Variants in ASB17 observed in about 807,000 individuals in gnomAD.
ASB17 encodes the protein ankyrin repeat and SOCS box protein 17.
A neutral mutation model predicts 25.7 loss-of-function variants in ASB17; 26 were observed. The ratio of observed to expected loss-of-function variants is 1.01; its 90% CI spans 0.74 to 1.40. ASB17 has a LOEUF of 1.40. Ranked by LOEUF, ASB17 falls within the 40% of genes most tolerant of loss-of-function variation. The probability of loss-of-function intolerance (pLI) is 0.00; values close to 1 mark genes in which losing one functional copy is unlikely to be tolerated. For synonymous variants in ASB17, 128 were observed against 121.4 expected (o/e 1.05, Z -0.36); for missense variants, 326 against 338.5 (o/e 0.96, Z 0.29).
At chr1:75,922,488 CTTTTTTTT>C (rs3037164) in intron 1 of ASB17, 129 bp from the exon 2 acceptor site, 149 of 122,290 alleles carry the variant, frequency 1.2e-3, no homozygotes, top group Middle Eastern at 5.2e-3. Flanking sequence ...TTATATGTTT[CTTTTTTTT>C]TTTTTTTTTT....
intron 1 of ASB17, among the ~76,000 whole-genome samples, chr1:75,931,547 A>G (rs1653321371): frequency 6.6e-6 from 1 of 152,186 alleles, no homozygotes; most frequent in Non-Finnish European, 1.5e-5. Context: ...TCAGCTTATA[A>G]ACATATATAA....
intron 1 of ASB17, among the ~76,000 whole-genome samples, chr1:75,928,635 T>C (rs2100614879): frequency 6.6e-6 from 1 of 152,330 alleles, no homozygotes; most frequent in Non-Finnish European, 1.5e-5. Context: ...GTTCAAATAC[T>C]TGAGAAGTTT....
chr1:75,921,466 G>T lies in ASB17; in HGVS notation c.681+614C>A, dbSNP rs183699899. On this transcript the variant is annotated intron_variant, in intron 2 of 2. Coordinates refer to ENST00000284142, the MANE Select transcript of ASB17 (RefSeq NM_080868.3). ...CGGACTTCTTTCTTGCTACTAATGG[G>T]CATGATTCAATTTGATGATGACACT... is the stretch of plus-strand genomic sequence containing the variant. Among the ~76,000 whole-genome samples the T allele has an allele frequency of 6.8e-4, 104 of 152,188 alleles. No individual in the cohort carries two copies. The Middle Eastern group carries it at 0.01, about 15-fold the overall frequency.
intron 1 of ASB17, 51 bp from the exon 2 acceptor site, chr1:75,922,410 G>T: frequency 7.6e-7 from 1 of 1,317,066 alleles, no homozygotes; most frequent in Non-Finnish European, 1.0e-6. Flanking sequence ...TAAGAAATGT[G>T]ACAAACACTT....
chr1:75,922,001 A>G, intron 2 of ASB17, 79 bp downstream of exon 2: 1 of 1,229,128 alleles, frequency 8.1e-7, no homozygotes, highest in South Asian at 1.6e-5. Flanking sequence ...ATTAAAAATT[A>G]ACTGTATTCT....
chr1:75,920,293 G>A lies in ASB17; in HGVS notation c.682-1135C>T, dbSNP rs191427335. Among the ~76,000 whole-genome samples the A allele has an allele frequency of 1.4e-4, 21 of 152,226 alleles. No individual in the cohort carries two copies. The East Asian group carries it at 3.7e-3, about 27-fold the overall frequency. The stretch of plus-strand genomic sequence containing the variant: ...CAAATGTTAATAGATTGACTTAGGA[G>A]GAAAAAACATTGCTGTATTACAGAA... On this transcript the variant is annotated intron_variant, in intron 2 of 2. Transcript: ENST00000284142.
chr1:75,932,030 C>T lies in ASB17; in HGVS notation c.262G>A (p.Asp88Asn), dbSNP rs1275349310. 7 of 1,613,936 alleles carry T rather than the reference C, an allele frequency of 4.3e-6. No homozygotes were observed. In the South Asian group the frequency reaches 6.6e-5, roughly 15 times the overall value. The change falls in exon 1 of 3, where the codon GAC becomes AAC. Residue 88 changes from aspartate to asparagine, a missense_variant. Asp to Asn is a conservative substitution (Grantham distance 23). Coordinates refer to ENST00000284142, the MANE Select transcript of ASB17 (RefSeq NM_080868.3). ...GYRFEVSFNLDFTEICVNTIL... is the reference protein window; with the variant it reads ...GYRFEVSFNLNFTEICVNTIL... ...GTATTCACACATATTTCAGTGAAGT[C>T]GAGGTTAAAACTTACTTCAAAACGG...
rs527713748 is a variant in ASB17, at chr1:75,925,618, T to C, written c.402-3259A>G. On this transcript the variant is annotated intron_variant, in intron 1 of 2. Coordinates refer to ENST00000284142, the MANE Select transcript of ASB17 (RefSeq NM_080868.3). ...TTAATTATAGCAGTACTTATATGGA[T>C]GAAGTGCAGCAAGCAAAGCAAGAAT... Among the ~76,000 whole-genome samples the C allele has an allele frequency of 5.3e-5, 8 of 152,258 alleles. No individual in the cohort carries two copies. The East Asian group carries it at 1.2e-3, about 22-fold the overall frequency.
Position 75,931,851 on chromosome 1 carries a change from A to C in ASB17, c.401+40T>G, listed in dbSNP as rs1284959175. 3.3e-6 allele frequency: 5 copies of C among 1,510,132 alleles called. No homozygotes were observed. The East Asian group carries it at 6.8e-5, about 21-fold the overall frequency. 93.5% of individuals were successfully genotyped at this position (1,510,132 alleles called of 1,614,324 possible). On this transcript the variant is annotated intron_variant, in intron 1 of 2. Coordinates refer to ENST00000284142, the MANE Select transcript of ASB17 (RefSeq NM_080868.3). ...GAAGCACTCTACTCTCGTAAAGATA[A>C]ATTTTCTTGTTCTATAGTGAAAACA...
chr1:75,929,276 G>A (rs1653259660), intron 1 of ASB17, among the ~76,000 whole-genome samples: 1 of 151,638 alleles, frequency 6.6e-6, no homozygotes, highest in South Asian at 2.1e-4. Context: ...CCAGGTTGGA[G>A]TGCAGTGGCG....
At chr1:75,927,111 C>G (rs1653193166) in intron 1 of ASB17, among the ~76,000 whole-genome samples, 1 of 152,026 alleles carries the variant, frequency 6.6e-6, no homozygotes, top group South Asian at 2.1e-4. Flanking sequence ...AGGCTATCAG[C>G]CAAGGAATGT....
chr1:75,920,182 G>A (rs919978189), intron 2 of ASB17, among the ~76,000 whole-genome samples: 2 of 152,188 alleles, frequency 1.3e-5, no homozygotes, highest in African/African-American at 4.8e-5. Flanking sequence ...TCATACACAA[G>A]AAGGCCTGAC....
intron 1 of ASB17, among the ~76,000 whole-genome samples, chr1:75,931,544 A>G (rs1232187072): frequency 6.6e-6 from 1 of 152,198 alleles, no homozygotes; most frequent in Non-Finnish European, 1.5e-5. Flanking sequence ...AAGTCAGCTT[A>G]TAAACATATA....
At chr1:75,928,373 T>A (rs1021332615) in intron 1 of ASB17, among the ~76,000 whole-genome samples, 8 of 152,336 alleles carry the variant, frequency 5.3e-5, no homozygotes, top group Non-Finnish European at 1.0e-4. Context: ...TGGAATGACA[T>A]CTCTCTTTAG....
chr1:75,929,975 G>C (rs371546373), intron 1 of ASB17, among the ~76,000 whole-genome samples: 1 of 147,668 alleles, frequency 6.8e-6, no homozygotes, highest in Non-Finnish European at 1.5e-5. Context: ...GGCAGAGAGG[G>C]GGGGTGAGTT....
intron 2 of ASB17, among the ~76,000 whole-genome samples, chr1:75,920,024 G>A (rs1182379115): frequency 6.6e-6 from 1 of 152,088 alleles, no homozygotes; most frequent in Non-Finnish European, 1.5e-5. Flanking sequence ...GGTCAACTTA[G>A]CCATATAGAA....
Position 75,922,248 on chromosome 1 carries a change from G to A in ASB17, c.513C>T (p.Ile171=). The A allele has an allele frequency of 6.2e-7, 1 of 1,613,416 alleles. No individual in the cohort carries two copies. The highest frequency in any genetic ancestry group is 1.7e-4 in the Middle Eastern group (1 of 6,056). The change falls in exon 2 of 3, where the codon ATC becomes ATT. Residue 171 remains isoleucine, a synonymous_variant. Coordinates refer to ENST00000284142, the MANE Select transcript of ASB17 (RefSeq NM_080868.3). The stretch of plus-strand genomic sequence containing the variant: ...TGATAGGGTTTTTTTCTCTTTCTAA[G>A]ATTCCATATTGCAGTAGTATTTTGA... ...NIFKILLQYG[I]LEREKNPINI...
chr1:75,920,616 C>A (rs566252653), intron 2 of ASB17, among the ~76,000 whole-genome samples: 2 of 152,274 alleles, frequency 1.3e-5, no homozygotes, highest in Non-Finnish European at 2.9e-5. Flanking sequence ...TTAAAGTGTT[C>A]TTTAAGCAGT....
At chr1:75,928,839 G>T (rs1653242664) in intron 1 of ASB17, among the ~76,000 whole-genome samples, 1 of 152,184 alleles carries the variant, frequency 6.6e-6, no homozygotes, top group South Asian at 2.1e-4. Flanking sequence ...TATCCGTGAG[G>T]ATAGATAGTG....
Sources: allele counts gnomAD v4.1 joint callset (sites outside exome capture counted in the v4.1 genomes callset), GRCh38; gene constraint gnomAD v4.1.1; transcripts MANE v1.5; gene names NCBI Gene and HGNC (gene_info 2026-07-23, HGNC 2026-07-21).